The following DISC1 variants were observed in gnomAD, a reference collection of about 807,000 sequenced individuals.
DISC1 encodes the protein DISC1 scaffold protein.
In DISC1, 57 loss-of-function variants were observed where a neutral mutation model predicts 84.5. That is an observed-to-expected ratio of 0.67 (90% CI 0.55 to 0.84). The LOEUF (loss-of-function observed/expected upper bound fraction) is 0.84. Among genes scored for constraint, DISC1 ranks in the 40% least tolerant of loss-of-function variants. DISC1 has a pLI of 0.00. For missense variants in DISC1, 1,000 were observed against 1,057.8 expected, an observed-to-expected ratio of 0.95 and a Z score of 0.76; for synonymous variants, 411 against 415.2, an observed-to-expected ratio of 0.99 and a Z score of 0.12.
At chr1:231,764,382 G>T (rs1558503056) in intron 4 of DISC1, among the ~76,000 whole-genome samples, 1 of 152,158 alleles carries the variant, frequency 6.6e-6, no homozygotes, top group Non-Finnish European at 1.5e-5. Context: ...GCTCACTATG[G>T]AAACTTTAGA....
intron 9 of DISC1, among the ~76,000 whole-genome samples, chr1:231,889,234 A>G (rs925992161): frequency 2.0e-5 from 3 of 152,130 alleles, no homozygotes; most frequent in African/African-American, 4.8e-5. Flanking sequence ...CTGTCCCCAT[A>G]TCCAGATGGA....
chr1:231,675,155 G>A lies in DISC1; in HGVS notation c.68-18671G>A, dbSNP rs905304932. On this transcript the variant is annotated intron_variant, in intron 1 of 12. Transcript: ENST00000439617. This position sits in a 1 kb window ranked among gnomAD's most constrained non-coding sequence, Gnocchi z 4.1. Reference sequence around the variant, plus strand: ...CTGAGACCCTTGATACTCTGCACACGGCTAGTATGGGCTTTATACAGATTC... The same window carrying A: ...CTGAGACCCTTGATACTCTGCACACAGCTAGTATGGGCTTTATACAGATTC... 2.0e-5 allele frequency among the ~76,000 whole-genome samples: 3 copies of A among 152,124 alleles called. No individual in the cohort carries two copies. The East Asian group carries it at 5.8e-4, about 29-fold the overall frequency.
At position 231,737,901 on chromosome 1, in the gene DISC1, C is replaced by T. The variant is rs181964383; in HGVS notation, c.1118-12025C>T. Among the ~76,000 whole-genome samples the T allele has an allele frequency of 1.6e-3, 243 of 152,212 alleles. 1 individual carries two copies. The highest frequency in any genetic ancestry group is 5.1e-3 in the African/African-American group (212 of 41,526). On this transcript the variant is annotated intron_variant, in intron 3 of 12. Transcript: ENST00000439617. The stretch of plus-strand genomic sequence containing the variant: ...TGAGTCAGGGCTTGCTCTGTTGCCC[C>T]GGCTAGAGTGCAGTGGCATGACATC...
At chr1:231,793,746 A>T (rs967679294) in intron 6 of DISC1, among the ~76,000 whole-genome samples, 1 of 152,206 alleles carries the variant, frequency 6.6e-6, no homozygotes, top group South Asian at 2.1e-4. Flanking sequence ...TGCTTGAGGG[A>T]TAAAACTCAA....
At chr1:231,889,079 A>G (rs1435243826) in intron 9 of DISC1, among the ~76,000 whole-genome samples, 1 of 152,202 alleles carries the variant, frequency 6.6e-6, no homozygotes, top group African/African-American at 2.4e-5. Flanking sequence ...TTTCTGCAGA[A>G]GAAGACACTC....
chr1:231,740,383 G>A (rs898803325), intron 3 of DISC1, among the ~76,000 whole-genome samples: 2 of 152,182 alleles, frequency 1.3e-5, no homozygotes, highest in African/African-American at 4.8e-5. Flanking sequence ...TGTCAAAGCC[G>A]TTGCCCGGAT....
At chr1:231,684,232 C>T (rs2063990497) in intron 1 of DISC1, among the ~76,000 whole-genome samples, 1 of 152,074 alleles carries the variant, frequency 6.6e-6, no homozygotes, top group East Asian at 1.9e-4. Context: ...GCCCTGAACT[C>T]CTGGGCTCAA....
chr1:231,922,519 C>T (rs1369307159), intron 9 of DISC1, among the ~76,000 whole-genome samples: 2 of 152,296 alleles, frequency 1.3e-5, no homozygotes, highest in East Asian at 1.9e-4. Context: ...CAGAGCAGGG[C>T]TTGGCATTGG....
chr1:231,856,780 C>T (rs543533643), intron 9 of DISC1, among the ~76,000 whole-genome samples: 3 of 152,046 alleles, frequency 2.0e-5, no homozygotes, highest in African/African-American at 7.2e-5. Context: ...TTGGAATTAC[C>T]CCAAAGGTGG....
At chr1:231,883,116 C>T (rs1048392231) in intron 9 of DISC1, among the ~76,000 whole-genome samples, 15 of 152,050 alleles carry the variant, frequency 9.9e-5, no homozygotes, top group Middle Eastern at 3.4e-3. Flanking sequence ...GATGTGCAAG[C>T]GAAGGGCAAC....
chr1:231,628,043 A>C (rs144071074), intron 1 of DISC1, among the ~76,000 whole-genome samples: 261 of 152,238 alleles, frequency 1.7e-3, no homozygotes, highest in Middle Eastern at 3.4e-3. Flanking sequence ...TACCCAGTGC[A>C]CTCTCAAAAA....
rs906225729 is a variant in DISC1, at chr1:231,785,574, G to A, written c.1635-9668G>A. ...CTCCCAAAGTGCATGGGTTACAGAC[G>A]TGATCCACCATACCTGGCTGTGTGA... On this transcript the variant is annotated intron_variant, in intron 6 of 12. Transcript: ENST00000439617. 2.0e-5 allele frequency among the ~76,000 whole-genome samples: 3 copies of A among 152,164 alleles called. No homozygotes were observed. The East Asian group carries it at 5.8e-4, about 29-fold the overall frequency.
At chr1:231,814,512 G>A (rs1184722936) in intron 8 of DISC1, among the ~76,000 whole-genome samples, 2 of 152,038 alleles carry the variant, frequency 1.3e-5, no homozygotes, top group African/African-American at 2.4e-5. Context: ...ATTGGTTAAG[G>A]TTTTCCTTGG....
At chr1:231,868,706 AT>A (rs1229189879) in intron 9 of DISC1, among the ~76,000 whole-genome samples, 1 of 23,652 alleles carries the variant, frequency 4.2e-5, no homozygotes, top group African/African-American at 2.9e-4. Context: ...ATATATATAT[AT>A]ATATATATAT....
chr1:231,923,307 C>CAAAAAAA (rs1461560372), intron 9 of DISC1, among the ~76,000 whole-genome samples: 19 of 138,550 alleles, frequency 1.4e-4, no homozygotes, highest in African/African-American at 4.4e-4. Context: ...CAAAAAAAAC[C>CAAAAAAA]AAAAAAAAAA....
At chr1:231,784,264 A>G (rs1174130702) in intron 6 of DISC1, among the ~76,000 whole-genome samples, 1 of 70,896 alleles carries the variant, frequency 1.4e-5, no homozygotes, top group Non-Finnish European at 2.9e-5. Context: ...CTCCGTCTCA[A>G]AAAAAAAAAA....
chr1:231,790,553 C>T (rs770643234), intron 6 of DISC1, among the ~76,000 whole-genome samples: 58 of 151,858 alleles, frequency 3.8e-4, no homozygotes, highest in Non-Finnish European at 7.2e-4. Flanking sequence ...CAGTCTCCCT[C>T]TGTCGCCCAG....
intron 6 of DISC1, among the ~76,000 whole-genome samples, chr1:231,775,284 A>G (rs200922766): frequency 2.4e-4 from 36 of 152,302 alleles, no homozygotes; most frequent in Non-Finnish European, 4.3e-4. Context: ...GAAACTTCCT[A>G]ATAGCATGTG....
At chr1:231,722,504 A>G (rs1157466718) in intron 3 of DISC1, 2 of 1,613,916 alleles carry the variant, frequency 1.2e-6, no homozygotes, top group African/African-American at 2.7e-5. Flanking sequence ...TTCTGTGTCC[A>G]TTCCACTCAG....
Sources: gnomAD v4.1 joint callset for allele counts (sites outside exome capture counted in the v4.1 genomes callset) on GRCh38, gnomAD v4.1.1 for gene constraint, Gnocchi (gnomAD v3.1) non-coding constraint, MANE v1.5 for transcripts, NCBI Gene and HGNC (gene_info 2026-07-23, HGNC 2026-07-21) for gene names.